RBFOX1: variants seen among roughly 807,000 people sequenced by gnomAD.
The protein encoded by RBFOX1 is RNA binding fox-1 homolog 1.
RBFOX1 carries 8 observed loss-of-function variants against 57.7 expected under a neutral mutation model. The ratio of observed to expected loss-of-function variants is 0.14; its 90% CI spans 0.08 to 0.25. The LOEUF (loss-of-function observed/expected upper bound fraction) is 0.25. Among genes scored for constraint, RBFOX1 ranks in the 10% least tolerant of loss-of-function variants. The pLI, the probability that RBFOX1 is intolerant of heterozygous loss-of-function variation, is 1.00. For missense variants in RBFOX1, 611 were observed against 548.5 expected (o/e 1.11, Z -1.14); for synonymous variants, 326 against 222.4 (o/e 1.47, Z -4.15).
intron 1 of RBFOX1, among the ~76,000 whole-genome samples, chr16:5,301,048 C>G (rs79631884): frequency 0.019 from 2,844 of 152,264 alleles, 79 homozygotes; most frequent in African/African-American, 0.064. Flanking sequence ...TGTGTAATCT[C>G]CTCCCTTCAT....
intron 3 of RBFOX1, among the ~76,000 whole-genome samples, chr16:6,923,323 C>T (rs908610321): frequency 6.6e-6 from 1 of 152,058 alleles, no homozygotes; most frequent in African/African-American, 2.4e-5. Flanking sequence ...CATGTGAGGT[C>T]AGGAGTTCAA....
intron 2 of RBFOX1, among the ~76,000 whole-genome samples, chr16:5,468,849 C>T (rs2069037272): frequency 6.6e-6 from 1 of 152,232 alleles, no homozygotes; most frequent in African/African-American, 2.4e-5. Flanking sequence ...TTGTGAGATC[C>T]TGGGAGATTG....
chr16:6,782,365 T>G (rs141518179), intron 3 of RBFOX1, among the ~76,000 whole-genome samples: 1 of 152,194 alleles, frequency 6.6e-6, no homozygotes, highest in South Asian at 2.1e-4. Context: ...TATGCTGTGT[T>G]TCTACTAAAT....
At chr16:5,590,497 G>A (rs183630847) in intron 2 of RBFOX1, among the ~76,000 whole-genome samples, 1 of 152,262 alleles carries the variant, frequency 6.6e-6, no homozygotes, top group East Asian at 1.9e-4. Context: ...GAATGGGCAG[G>A]GGAAGCCTCG....
intron 3 of RBFOX1, among the ~76,000 whole-genome samples, chr16:5,764,579 G>A (rs987873745): frequency 3.3e-5 from 5 of 152,186 alleles, no homozygotes; most frequent in Non-Finnish European, 7.3e-5. Flanking sequence ...GAGCGCAATG[G>A]ATAGGGGAGG....
chr16:6,259,860 C>G (rs989164323), intron 1 of RBFOX1, among the ~76,000 whole-genome samples: 2 of 150,932 alleles, frequency 1.3e-5, no homozygotes, highest in African/African-American at 4.9e-5. Context: ...ACTCAGGAGG[C>G]TGAGGCAGGA....
chr16:7,179,159 TG>T (rs989612566), intron 4 of RBFOX1, among the ~76,000 whole-genome samples: 10 of 152,004 alleles, frequency 6.6e-5, no homozygotes, highest in Non-Finnish European at 1.0e-4. Flanking sequence ...TTGGTGCATT[TG>T]GGGGTAGGAG....
intron 4 of RBFOX1, among the ~76,000 whole-genome samples, chr16:7,454,019 G>T (rs1478328880): frequency 6.6e-6 from 1 of 152,172 alleles, no homozygotes; most frequent in Non-Finnish European, 1.5e-5. Flanking sequence ...GATTGCCTGA[G>T]GTCAGGAGTT....
At chr16:6,009,482 G>C (rs1388955153) in intron 4 of RBFOX1, among the ~76,000 whole-genome samples, 1 of 152,264 alleles carries the variant, frequency 6.6e-6, no homozygotes, top group Admixed American at 6.5e-5. Context: ...CAGGGACTTA[G>C]AAATGGCACT....
intron 10 of RBFOX1, among the ~76,000 whole-genome samples, chr16:7,626,052 G>C (rs17144382): frequency 0.1 from 15,630 of 152,252 alleles, 1,070 homozygotes; most frequent in African/African-American, 0.19. Flanking sequence ...TACATAGATA[G>C]GGTTTCTAGG....
intron 1 of RBFOX1, among the ~76,000 whole-genome samples, chr16:6,178,576 C>T (rs2097033711): frequency 6.6e-6 from 1 of 152,062 alleles, no homozygotes; most frequent in African/African-American, 2.4e-5. Context: ...TGAAGGAGAG[C>T]ATATTTTTAA....
At chr16:6,356,555 G>A (rs2087353692) in intron 2 of RBFOX1, among the ~76,000 whole-genome samples, 2 of 152,112 alleles carry the variant, frequency 1.3e-5, no homozygotes, top group Admixed American at 1.3e-4. Flanking sequence ...TCAAAATTGG[G>A]GGACATTCTG....
intron 1 of RBFOX1, among the ~76,000 whole-genome samples, chr16:6,179,373 T>C (rs1457360789): frequency 6.6e-6 from 1 of 152,184 alleles, no homozygotes; most frequent in Non-Finnish European, 1.5e-5. Flanking sequence ...GGGAGATTGA[T>C]GTTTAGAGCT....
chr16:7,594,761 A>G lies in RBFOX1; in HGVS notation c.469-788A>G, dbSNP rs557392412. 2.0e-3 allele frequency among the ~76,000 whole-genome samples: 308 copies of G among 152,324 alleles called. 2 individuals carry two copies. The highest frequency in any genetic ancestry group is 0.017 in the Middle Eastern group (5 of 294). On this transcript the variant is annotated intron_variant, in intron 7 of 15. Coordinates refer to ENST00000550418, the MANE Select transcript of RBFOX1 (RefSeq NM_018723.4). Reference sequence around the variant, plus strand: ...ATTGACCTAATGCCAGAACTTTACAATATGGGTACACCTTTCCCTTTCTGG... The same window carrying G: ...ATTGACCTAATGCCAGAACTTTACAGTATGGGTACACCTTTCCCTTTCTGG...
At chr16:6,688,780 C>A (rs2059804058) in intron 3 of RBFOX1, among the ~76,000 whole-genome samples, 1 of 152,156 alleles carries the variant, frequency 6.6e-6, no homozygotes, top group South Asian at 2.1e-4. Flanking sequence ...TAATGCCATC[C>A]TTCCCTAGCC....
In RBFOX1 at chr16:7,670,046, T is replaced by G. The variant is rs371807501; in HGVS notation, c.930+5078T>G. ...CTGTTGTTCCAGAAGAGAAACTTTTTTGGGAGACATAGCCTCCCTGTATCA... is the reference window on the plus strand; with the variant it reads ...CTGTTGTTCCAGAAGAGAAACTTTTGTGGGAGACATAGCCTCCCTGTATCA... On this transcript the variant is annotated intron_variant, in intron 13 of 15. Transcript: ENST00000550418. 4.6e-5 allele frequency among the ~76,000 whole-genome samples: 7 copies of G among 152,190 alleles called. No individual in the cohort carries two copies. In the East Asian group the frequency reaches 1.2e-3, roughly 25 times the overall value.
chr16:5,421,738 G>A (rs1055784833), intron 1 of RBFOX1, among the ~76,000 whole-genome samples: 3 of 152,176 alleles, frequency 2.0e-5, no homozygotes, highest in Admixed American at 1.3e-4. Context: ...TAATAGTCTT[G>A]GAAGATATTT....
At chr16:6,889,022 C>T (rs1459273472) in intron 3 of RBFOX1, among the ~76,000 whole-genome samples, 4 of 152,164 alleles carry the variant, frequency 2.6e-5, no homozygotes, top group Admixed American at 2.6e-4. Context: ...AATAAGTCTT[C>T]AGGGAATTGC....
chr16:6,239,631 G>C (rs987551762), intron 1 of RBFOX1, among the ~76,000 whole-genome samples: 1 of 151,526 alleles, frequency 6.6e-6, no homozygotes, highest in African/African-American at 2.4e-5. Context: ...CTGAGTAGCT[G>C]GGACTACAGG....
Sources: allele counts gnomAD v4.1 joint callset (sites outside exome capture counted in the v4.1 genomes callset), GRCh38; gene constraint gnomAD v4.1.1; transcripts MANE v1.5; gene names NCBI Gene and HGNC (gene_info 2026-07-23, HGNC 2026-07-21).